The following TADA1 variants were observed in gnomAD, a reference collection of about 807,000 sequenced individuals.
TADA1 encodes transcriptional adaptor 1, also known as transcriptional adapter 1.
TADA1 carries 23 observed loss-of-function variants against 39.3 expected under a neutral mutation model. The observed-to-expected ratio is 0.58, with a 90% CI of 0.42 to 0.83. The LOEUF (loss-of-function observed/expected upper bound fraction) is 0.83. Ranked by LOEUF, TADA1 falls within the 40% of genes least tolerant of loss-of-function variation. The probability of loss-of-function intolerance (pLI) is 0.00; values close to 1 mark genes in which losing one functional copy is unlikely to be tolerated. For missense variants in TADA1, 352 were observed against 408.1 expected, an observed-to-expected ratio of 0.86 and a Z score of 1.18; for synonymous variants, 137 against 151.8, an observed-to-expected ratio of 0.90 and a Z score of 0.72.
At chr1:166,864,260 ATC>A (rs1410134022) in intron 3 of TADA1, among the ~76,000 whole-genome samples, 4 of 152,226 alleles carry the variant, frequency 2.6e-5, no homozygotes, top group African/African-American at 9.6e-5. Context: ...ACATGTATTT[ATC>A]TCCTCTCCCA....
At chr1:166,864,792 G>A (rs1174128775) in intron 3 of TADA1, among the ~76,000 whole-genome samples, 1 of 152,294 alleles carries the variant, frequency 6.6e-6, no homozygotes, top group East Asian at 1.9e-4. Flanking sequence ...TAATAGCTAA[G>A]TCAGGGGGTT....
chr1:166,868,123 C>T (rs1658575370), intron 3 of TADA1, among the ~76,000 whole-genome samples: 1 of 151,872 alleles, frequency 6.6e-6, no homozygotes, highest in Admixed American at 6.6e-5. Flanking sequence ...AATCATTTGG[C>T]CTAATTTTTT....
intron 3 of TADA1, among the ~76,000 whole-genome samples, chr1:166,868,403 T>A (rs1571241261): frequency 6.6e-6 from 1 of 152,178 alleles, no homozygotes; most frequent in East Asian, 1.9e-4. Flanking sequence ...GAAGTCCAGG[T>A]TCCCAACATA....
chr1:166,871,242 G>A (rs1337979659), intron 1 of TADA1, among the ~76,000 whole-genome samples: 1 of 152,166 alleles, frequency 6.6e-6, no homozygotes, highest in Non-Finnish European at 1.5e-5. Flanking sequence ...GAATTAGAGT[G>A]AAATAATGTC....
intron 3 of TADA1, among the ~76,000 whole-genome samples, chr1:166,864,869 C>T (rs1334137052): frequency 6.6e-6 from 1 of 152,124 alleles, no homozygotes; most frequent in Non-Finnish European, 1.5e-5. Context: ...CTGGGATTTA[C>T]TAAGGTAGCT....
intron 1 of TADA1, among the ~76,000 whole-genome samples, chr1:166,874,133 G>A (rs1198310814): frequency 6.6e-6 from 1 of 151,266 alleles, no homozygotes; most frequent in Non-Finnish European, 1.5e-5. Context: ...ACGAGGTCAG[G>A]AGTTCAAGAC....
intron 3 of TADA1, among the ~76,000 whole-genome samples, chr1:166,864,574 A>G (rs1658487830): frequency 1.3e-5 from 2 of 152,182 alleles, no homozygotes; most frequent in Non-Finnish European, 2.9e-5. Context: ...TGGAATGTCT[A>G]TATCCTTAAA....
rs926447936 is a variant in TADA1, at chr1:166,860,585, A to C, written c.541-248T>G. 5.3e-5 allele frequency among the ~76,000 whole-genome samples: 8 copies of C among 152,270 alleles called. No individual in the cohort carries two copies. The East Asian group carries it at 1.5e-3, about 29-fold the overall frequency. ...GTTCTCTTTAAGAGGGGCTTGCTAT[A>C]CATGAAATTTGAAAAGTCTTTACAT... On this transcript the variant is annotated intron_variant, in intron 5 of 7. Transcript: ENST00000367874.
At chr1:166,875,227 C>T (rs1658736298) in intron 1 of TADA1, among the ~76,000 whole-genome samples, 1 of 152,150 alleles carries the variant, frequency 6.6e-6, no homozygotes, top group Admixed American at 6.5e-5. Context: ...GTTGTAATAA[C>T]AACGTTTTGA....
rs1377711977 is a variant in TADA1, at chr1:166,865,584, C to T, written c.233-1663G>A. On this transcript the variant is annotated intron_variant, in intron 3 of 7. Coordinates refer to ENST00000367874, the MANE Select transcript of TADA1 (RefSeq NM_053053.4). Reference sequence around the variant, plus strand: ...ATCCCGACACTTTGGGAGGCCGAGGCGGGCAGATCACGAGGTCAGGAGATC... The same window carrying T: ...ATCCCGACACTTTGGGAGGCCGAGGTGGGCAGATCACGAGGTCAGGAGATC... 3.3e-5 allele frequency among the ~76,000 whole-genome samples: 5 copies of T among 151,902 alleles called. No homozygotes were observed. In the East Asian group the frequency reaches 5.8e-4, roughly 18 times the overall value.
At chr1:166,870,492 C>T (rs1027037320) in intron 1 of TADA1, among the ~76,000 whole-genome samples, 4 of 152,180 alleles carry the variant, frequency 2.6e-5, no homozygotes, top group African/African-American at 9.6e-5. Flanking sequence ...CAAACTAATA[C>T]ACCTAGGAAT....
At chr1:166,857,969 G>A (rs1658318946) in intron 7 of TADA1, 150 bp downstream of exon 7, 2 of 1,054,768 alleles carry the variant, frequency 1.9e-6, no homozygotes, top group South Asian at 1.6e-5. Flanking sequence ...TTTGAAAAAT[G>A]AGGCTAGTAT....
intron 3 of TADA1, among the ~76,000 whole-genome samples, chr1:166,868,267 G>C (rs1443900182): frequency 6.6e-6 from 1 of 152,134 alleles, no homozygotes; most frequent in African/African-American, 2.4e-5. Flanking sequence ...TAAAGTGACA[G>C]GTTTCGTTTC....
intron 6 of TADA1, among the ~76,000 whole-genome samples, chr1:166,859,433 C>T (rs1304580457): frequency 1.3e-5 from 2 of 152,140 alleles, no homozygotes; most frequent in Non-Finnish European, 2.9e-5. Flanking sequence ...ACTTCAGTAA[C>T]CATAAAGAAA....
chr1:166,866,811 C>A (rs1658545827), intron 3 of TADA1, among the ~76,000 whole-genome samples: 1 of 151,344 alleles, frequency 6.6e-6, no homozygotes, highest in Non-Finnish European at 1.5e-5. Context: ...GTGGCGCAAT[C>A]TCGGCTCACT....
chr1:166,861,035 T>C (rs1658401119), intron 5 of TADA1, among the ~76,000 whole-genome samples: 1 of 152,196 alleles, frequency 6.6e-6, no homozygotes, highest in Admixed American at 6.5e-5. Flanking sequence ...TCTGATATTA[T>C]TGGAACCAAA....
chr1:166,859,423 A>C (rs1023569889), intron 6 of TADA1, among the ~76,000 whole-genome samples: 7 of 152,216 alleles, frequency 4.6e-5, no homozygotes, highest in Non-Finnish European at 1.5e-5. Context: ...AATTCAAGTC[A>C]CTTCAGTAAC....
intron 5 of TADA1, 121 bp from the exon 6 acceptor site, chr1:166,860,458 G>T: frequency 2.2e-6 from 2 of 928,398 alleles, no homozygotes; most frequent in Non-Finnish European, 3.1e-6. Flanking sequence ...GTTAGTATAT[G>T]CTAGAACCAA....
At position 166,857,199 on chromosome 1, in the gene TADA1, C is replaced by T. The variant is rs1249383664; in HGVS notation, c.*368G>A. ...ATACAGAATGTATGATGTCACTGAACACACAGATATCCTGCTGATCAGGGG... is the reference window on the plus strand; with the variant it reads ...ATACAGAATGTATGATGTCACTGAATACACAGATATCCTGCTGATCAGGGG... On this transcript the variant is annotated 3_prime_UTR_variant, in exon 8 of 8. Transcript: ENST00000367874. The T allele has an allele frequency of 5.6e-6, 1 of 178,832 alleles. No homozygotes were observed. The highest frequency in any genetic ancestry group is 1.5e-4 in the East Asian group (1 of 6,506). 11.1% of individuals were successfully genotyped at this position (178,832 alleles called of 1,614,324 possible). A position where few individuals can be genotyped will look rare whatever the true frequency, so the allele number is the denominator to read the frequency against.
Sources: allele counts gnomAD v4.1 joint callset (sites outside exome capture counted in the v4.1 genomes callset), GRCh38; gene constraint gnomAD v4.1.1; transcripts MANE v1.5; gene names NCBI Gene and HGNC (gene_info 2026-07-23, HGNC 2026-07-21).